Variants in FHIT observed in about 807,000 individuals in gnomAD.
FHIT encodes the protein bis(5'-adenosyl)-triphosphatase.
In FHIT, 19 loss-of-function variants were observed where a neutral mutation model predicts 17.9. The observed-to-expected ratio is 1.06, with a 90% confidence interval of 0.74 to 1.56. The LOEUF (loss-of-function observed/expected upper bound fraction) is 1.56. Among genes scored for constraint, FHIT ranks in the 40% most tolerant of loss-of-function variants. The pLI is 0.00. For missense variants in FHIT, 248 were observed against 189.2 expected (o/e 1.31, Z -1.82); for synonymous variants, 81 against 69.7 (o/e 1.16, Z -0.81).
chr3:60,776,758 G>T (rs185418045), intron 4 of FHIT, among the ~76,000 whole-genome samples: 163 of 152,354 alleles, frequency 1.1e-3, no homozygotes, highest in African/African-American at 3.8e-3. Context: ...CATGCAAGGT[G>T]TATGAGAACA....
chr3:60,775,922 C>A (rs2108084418), intron 4 of FHIT, among the ~76,000 whole-genome samples: 1 of 152,316 alleles, frequency 6.6e-6, no homozygotes, highest in South Asian at 2.1e-4. Flanking sequence ...AAATTTGTCT[C>A]CCTGGTGGAG....
intron 5 of FHIT, among the ~76,000 whole-genome samples, chr3:60,185,379 G>C (rs1702116041): frequency 6.6e-6 from 1 of 152,270 alleles, no homozygotes; most frequent in African/African-American, 2.4e-5. Flanking sequence ...TCATGCAGTA[G>C]ATAGCCTTTT....
intron 5 of FHIT, among the ~76,000 whole-genome samples, chr3:60,378,947 CT>C (rs1277981830): frequency 2.0e-5 from 3 of 152,210 alleles, no homozygotes; most frequent in African/African-American, 7.2e-5. Context: ...GTTGCAAGCA[CT>C]ACAATCAAGT....
At chr3:60,423,256 A>C (rs2107270081) in intron 5 of FHIT, among the ~76,000 whole-genome samples, 1 of 152,258 alleles carries the variant, frequency 6.6e-6, no homozygotes, top group East Asian at 1.9e-4. Flanking sequence ...ATTTCACTGC[A>C]CTGGTGAATC....
intron 3 of FHIT, among the ~76,000 whole-genome samples, chr3:60,884,434 T>A (rs1315408602): frequency 6.6e-6 from 1 of 152,198 alleles, no homozygotes; most frequent in Admixed American, 6.6e-5. Flanking sequence ...GCAGCACTAT[T>A]CATAATAGCC....
At chr3:60,471,369 C>T (rs1037891246) in intron 5 of FHIT, among the ~76,000 whole-genome samples, 2 of 152,092 alleles carry the variant, frequency 1.3e-5, no homozygotes, top group Admixed American at 6.5e-5. Context: ...TGGAGCTTGC[C>T]GGAACTCAGG....
intron 8 of FHIT, among the ~76,000 whole-genome samples, chr3:59,863,932 T>C (rs991838861): frequency 6.6e-6 from 1 of 152,156 alleles, no homozygotes; most frequent in Non-Finnish European, 1.5e-5. Flanking sequence ...TGCCCTTCCC[T>C]GCTCCCTTGA....
chr3:60,239,874 G>A (rs1268562679), intron 5 of FHIT, among the ~76,000 whole-genome samples: 1 of 152,164 alleles, frequency 6.6e-6, no homozygotes. Context: ...CTAAGAAGTT[G>A]AGACCTTGGT....
chr3:60,038,153 T>C (rs942614889), intron 5 of FHIT, among the ~76,000 whole-genome samples: 2 of 152,200 alleles, frequency 1.3e-5, no homozygotes, highest in African/African-American at 4.8e-5. Flanking sequence ...ATTTTAAAAT[T>C]TTATGTTCAG....
intron 7 of FHIT, among the ~76,000 whole-genome samples, chr3:59,992,408 G>T (rs1699317846): frequency 6.6e-6 from 1 of 152,036 alleles, no homozygotes; most frequent in Admixed American, 6.6e-5. Flanking sequence ...AAATCAATTT[G>T]TAGGATATTT....
At chr3:59,881,106 G>A (rs1284210233) in intron 8 of FHIT, among the ~76,000 whole-genome samples, 1 of 152,158 alleles carries the variant, frequency 6.6e-6, no homozygotes, top group Non-Finnish European at 1.5e-5. Flanking sequence ...CAATGACGCT[G>A]TACCTTTGGT....
At chr3:60,445,173 G>A (rs543285321) in intron 5 of FHIT, among the ~76,000 whole-genome samples, 17 of 152,078 alleles carry the variant, frequency 1.1e-4, no homozygotes, top group African/African-American at 3.4e-4. Flanking sequence ...CAGTTTCCCC[G>A]GCCCTATCTC....
chr3:60,366,625 A>G (rs1427837210), intron 5 of FHIT, among the ~76,000 whole-genome samples: 1 of 152,186 alleles, frequency 6.6e-6, no homozygotes, highest in African/African-American at 2.4e-5. Context: ...TGGCTATGTT[A>G]TAAAAGCAAG....
At chr3:60,727,337 AG>A (rs1321399946) in intron 4 of FHIT, among the ~76,000 whole-genome samples, 19 of 152,340 alleles carry the variant, frequency 1.2e-4, no homozygotes, top group Admixed American at 5.2e-4. Flanking sequence ...CAGAGAATTC[AG>A]TGTATCGAAA....
chr3:60,714,790 C>G (rs2041637438), intron 4 of FHIT, among the ~76,000 whole-genome samples: 1 of 152,086 alleles, frequency 6.6e-6, no homozygotes, highest in Non-Finnish European at 1.5e-5. Flanking sequence ...AAAGAGGATA[C>G]AAACAAATGG....
chr3:60,491,873 A>G (rs1315912400), intron 5 of FHIT, among the ~76,000 whole-genome samples: 1 of 152,166 alleles, frequency 6.6e-6, no homozygotes, highest in Non-Finnish European at 1.5e-5. Flanking sequence ...CCATTATAAC[A>G]ATATTTGATT....
At chr3:60,510,049 T>C (rs887469938) in intron 5 of FHIT, among the ~76,000 whole-genome samples, 14 of 152,210 alleles carry the variant, frequency 9.2e-5, no homozygotes, top group Non-Finnish European at 8.8e-5. Context: ...AGTACTCTTA[T>C]TTTGCCATCT....
intron 2 of FHIT, among the ~76,000 whole-genome samples, chr3:61,110,340 G>T (rs187745382): frequency 2.4e-3 from 371 of 152,104 alleles, no homozygotes; most frequent in Middle Eastern, 0.017. Context: ...GGTGCCATAT[G>T]GCTTCTTCCT....
At chr3:60,062,405 C>T (rs1037641126) in intron 5 of FHIT, among the ~76,000 whole-genome samples, 1 of 152,334 alleles carries the variant, frequency 6.6e-6, no homozygotes, top group Non-Finnish European at 1.5e-5. Context: ...GCACCTCCTA[C>T]ATTCCAAGTA....
Sources: allele counts gnomAD v4.1 joint callset (sites outside exome capture counted in the v4.1 genomes callset), GRCh38; gene constraint gnomAD v4.1.1; transcripts MANE v1.5; gene names NCBI Gene and HGNC (gene_info 2026-07-23, HGNC 2026-07-21).